Variants in GDAP1 observed in about 807,000 individuals in gnomAD.
The protein encoded by GDAP1 is ganglioside-induced differentiation-associated protein 1.
A neutral mutation model predicts 40.1 loss-of-function variants in GDAP1; 34 were observed. The ratio of observed to expected loss-of-function variants is 0.85; its 90% confidence interval spans 0.64 to 1.13. The LOEUF is 1.13. GDAP1 is among the 50% of genes most tolerant of loss of function. The pLI is 0.00. For synonymous variants in GDAP1, 170 were observed against 157.4 expected, an observed-to-expected ratio of 1.08 and a Z score of -0.60; for missense variants, 374 against 433.7, an observed-to-expected ratio of 0.86 and a Z score of 1.22.
chr8:74,479,986 CTTT>C (rs71271807), intron 2 of GDAP1, among the ~76,000 whole-genome samples: 2 of 102,914 alleles, frequency 1.9e-5, no homozygotes, highest in Non-Finnish European at 1.9e-5. Flanking sequence ...AATGGACTCT[CTTT>C]TTTTTTTTTT....
chr8:74,407,460 A>G lies in GDAP1; in HGVS notation c.165+56139A>G, dbSNP rs1393391516. On this transcript the variant is annotated intron_variant, in intron 2 of 2. Transcript: ENST00000523640. ...AAACAGGTGGAAAAAGATGGAATGA[A>G]CTGACTTGCTGAGTCTTCTGGCCTC... Among the ~76,000 whole-genome samples, 4 of 149,678 alleles carry G rather than the reference A, an allele frequency of 2.7e-5. 1 individual carries two copies. Among genetic ancestry groups the G allele is most frequent in the Admixed American group, 1.3e-4 (2 of 15,208 alleles).
downstream of GDAP1, among the ~76,000 whole-genome samples, chr8:74,371,504 C>CA (rs1391823698): frequency 6.6e-6 from 1 of 151,610 alleles, no homozygotes; most frequent in Non-Finnish European, 1.5e-5. Context: ...ACTAAAAATA[C>CA]AAAAAATTAG....
At chr8:74,375,410 A>G (rs977169134) in intron 2 of GDAP1, among the ~76,000 whole-genome samples, 2 of 152,220 alleles carry the variant, frequency 1.3e-5, no homozygotes, top group South Asian at 2.1e-4. Context: ...ATTCATTAAT[A>G]TATTTCAAAA....
At chr8:74,475,473 G>T (rs936922703) in intron 2 of GDAP1, among the ~76,000 whole-genome samples, 1 of 151,934 alleles carries the variant, frequency 6.6e-6, no homozygotes, top group South Asian at 2.1e-4. Flanking sequence ...AGAGATTTTG[G>T]TATATTGTAT....
chr8:74,376,494 G>A (rs1300014291), intron 2 of GDAP1, among the ~76,000 whole-genome samples: 2 of 151,940 alleles, frequency 1.3e-5, no homozygotes, highest in African/African-American at 2.4e-5. Flanking sequence ...GACTACGGGC[G>A]CCCGCCACCA....
At chr8:74,422,285 T>TTTCTTTC (rs1416353756) in intron 2 of GDAP1, among the ~76,000 whole-genome samples, 2 of 87,738 alleles carry the variant, frequency 2.3e-5, no homozygotes, top group South Asian at 4.2e-4. Context: ...TTCTTTTTTC[T>TTTCTTTC]TTTCTTTCTT....
chr8:74,443,713 C>G (rs1468081133), intron 2 of GDAP1, among the ~76,000 whole-genome samples: 1 of 152,226 alleles, frequency 6.6e-6, no homozygotes, highest in Non-Finnish European at 1.5e-5. Context: ...AGCTATGGGA[C>G]TGGTTCAAGA....
chr8:74,381,570 A>G (rs1809953892), intron 2 of GDAP1, among the ~76,000 whole-genome samples: 1 of 152,132 alleles, frequency 6.6e-6, no homozygotes, highest in South Asian at 2.1e-4. Context: ...AGCCTGGCCA[A>G]CATGTCAAAA....
intron 2 of GDAP1, among the ~76,000 whole-genome samples, chr8:74,457,525 T>C (rs763725256): frequency 1.2e-4 from 18 of 152,060 alleles, no homozygotes; most frequent in Non-Finnish European, 1.9e-4. Flanking sequence ...GAAAAAATGA[T>C]TTCAGAATGT....
In GDAP1 at chr8:74,409,035, C is replaced by T. The variant is rs182012180; in HGVS notation, c.165+57714C>T. On this transcript the variant is annotated intron_variant, in intron 2 of 2. Coordinates refer to the GDAP1 transcript ENST00000523640. ...ACCTTCACCAGAGTCATTTGGGGTACGTGTAAAAATAAAGATTTATGGCCC... is the reference window on the plus strand; with the variant it reads ...ACCTTCACCAGAGTCATTTGGGGTATGTGTAAAAATAAAGATTTATGGCCC... 4.7e-3 allele frequency among the ~76,000 whole-genome samples: 711 copies of T among 149,766 alleles called. 7 individuals carry two copies. Among genetic ancestry groups the T allele is most frequent in the Non-Finnish European group, 5.3e-3 (361 of 67,994 alleles).
chr8:74,366,937 A>G (rs1489586096), downstream of GDAP1: 11 of 362,014 alleles, frequency 3.0e-5, no homozygotes, highest in Non-Finnish European at 5.3e-5. Context: ...AAATCAAAGC[A>G]TCATGTGGTA....
At position 74,351,362 on chromosome 8, in the gene GDAP1, T is replaced by C; in HGVS notation, c.206T>C (p.Met69Thr). 1 of 1,614,010 alleles carries C rather than the reference T, an allele frequency of 6.2e-7. No individual in the cohort carries two copies. The highest frequency in any genetic ancestry group is 8.5e-7 in the Non-Finnish European group (1 of 1,179,808). The change falls in exon 2 of 6, where the codon ATG becomes ACG. Residue 69 changes from methionine (M) to threonine (T), a missense_variant. Met to Thr is a moderately conservative substitution (Grantham distance 81). Transcript: ENST00000220822. ...PLSEHNEPWF[M>T]RLNSTGEVPV... ...AGTGAGCACAATGAGCCTTGGTTTA[T>C]GCGTTTGAACTCAACTGGAGAAGTG...
chr8:74,423,373 A>G (rs1251615262), intron 2 of GDAP1, among the ~76,000 whole-genome samples: 1 of 147,680 alleles, frequency 6.8e-6, no homozygotes, highest in Non-Finnish European at 1.5e-5. Context: ...CAAGATAAAT[A>G]GTATATATGT....
At chr8:74,352,971 C>T (rs1467974390) in intron 2 of GDAP1, among the ~76,000 whole-genome samples, 1 of 152,014 alleles carries the variant, frequency 6.6e-6, no homozygotes, top group Non-Finnish European at 1.5e-5. Context: ...TCATCATTCC[C>T]CTCCTCCATC....
chr8:74,356,967 G>A (rs1292410755), intron 2 of GDAP1, among the ~76,000 whole-genome samples: 2 of 151,958 alleles, frequency 1.3e-5, no homozygotes, highest in Non-Finnish European at 2.9e-5. Flanking sequence ...TGCCTGCCTT[G>A]GCCTCCCAAA....
intron 2 of GDAP1, among the ~76,000 whole-genome samples, chr8:74,414,096 A>G (rs1805749795): frequency 6.7e-6 from 1 of 150,336 alleles, no homozygotes; most frequent in South Asian, 2.1e-4. Flanking sequence ...TAAATGCTGT[A>G]GAAATGGAAA....
At chr8:74,444,792 A>G (rs1245556811) in intron 2 of GDAP1, among the ~76,000 whole-genome samples, 3 of 152,238 alleles carry the variant, frequency 2.0e-5, no homozygotes, top group African/African-American at 7.2e-5. Context: ...TACTTAAATC[A>G]GACTACAAAT....
intron 2 of GDAP1, among the ~76,000 whole-genome samples, chr8:74,448,381 A>C (rs1047411735): frequency 1.3e-5 from 2 of 152,156 alleles, no homozygotes; most frequent in African/African-American, 4.8e-5. Flanking sequence ...ACAATTTGCT[A>C]TCTGGTCTCC....
intron 2 of GDAP1, among the ~76,000 whole-genome samples, chr8:74,456,006 A>G (rs561102552): frequency 7.9e-5 from 12 of 152,084 alleles, no homozygotes; most frequent in Admixed American, 7.9e-4. Context: ...GTCTTTCTCA[A>G]AGAGAACTGC....
Sources: allele counts gnomAD v4.1 joint callset (sites outside exome capture counted in the v4.1 genomes callset), GRCh38; gene constraint gnomAD v4.1.1; transcripts MANE v1.5; gene names NCBI Gene and HGNC (gene_info 2026-07-23, HGNC 2026-07-21).